Variants in KMT2C observed in about 807,000 individuals in gnomAD.
The protein encoded by KMT2C is histone-lysine N-methyltransferase 2C.
A neutral mutation model predicts 507.9 loss-of-function variants in KMT2C; 88 were observed. That is an observed-to-expected ratio of 0.17 (90% CI 0.15 to 0.21). KMT2C has a LOEUF of 0.21. KMT2C is among the 10% of genes least tolerant of loss of function. The pLI, the probability that KMT2C is intolerant of heterozygous loss-of-function variation, is 1.00. For synonymous variants in KMT2C, 2,049 were observed against 2,080.8 expected (o/e 0.98, Z 0.42); for missense variants, 4,954 against 5,957.8 (o/e 0.83, Z 5.55).
rs530899122 is a variant in KMT2C at position 152,239,067 on chromosome 7, A to G, written c.2533-241T>C. The G allele has an allele frequency of 4.0e-5, 14 of 351,498 alleles. No homozygotes were observed. The South Asian group carries it at 5.0e-4, about 13-fold the overall frequency. The allele number at this position is 351,498 out of a possible 1,614,324, so 21.8% of individuals were successfully genotyped here. Reference sequence around the variant, plus strand: ...ATTTTATTCTGCCTGAGACATCACTACAATGAAACATTAAAAATTAAGGTT... The same window carrying G: ...ATTTTATTCTGCCTGAGACATCACTGCAATGAAACATTAAAAATTAAGGTT... On this transcript the variant is annotated intron_variant, in intron 14 of 58. Coordinates refer to ENST00000262189, the MANE Select transcript of KMT2C (RefSeq NM_170606.3).
At chr7:152,201,128 C>A (rs897752995) in intron 26 of KMT2C, among the ~76,000 whole-genome samples, 1 of 152,066 alleles carries the variant, frequency 6.6e-6, no homozygotes, top group Non-Finnish European at 1.5e-5. Flanking sequence ...TCTAATGACT[C>A]ATGACTTTAC....
At chr7:152,389,656 GTCTTAAAC>G (rs1245159151) in intron 1 of KMT2C, among the ~76,000 whole-genome samples, 1 of 151,830 alleles carries the variant, frequency 6.6e-6, no homozygotes, top group Admixed American at 6.6e-5. Context: ...ACTCAGGCTG[GTCTTAAAC>G]TCTTAAGCTC....
At chr7:152,356,794 G>A (rs1322659402) in intron 2 of KMT2C, among the ~76,000 whole-genome samples, 5 of 150,996 alleles carry the variant, frequency 3.3e-5, no homozygotes, top group Non-Finnish European at 5.9e-5. Context: ...GGGAGACTGA[G>A]GCAGGAGAAT....
At chr7:152,172,156 C>T (rs2079545860) in intron 39 of KMT2C, among the ~76,000 whole-genome samples, 1 of 152,182 alleles carries the variant, frequency 6.6e-6, no homozygotes, top group African/African-American at 2.4e-5. Flanking sequence ...ATTGATCTGT[C>T]ACCCTACCCA....
At chr7:152,377,078 C>CT (rs1431159602) in intron 1 of KMT2C, among the ~76,000 whole-genome samples, 1 of 152,312 alleles carries the variant, frequency 6.6e-6, no homozygotes, top group Admixed American at 6.5e-5. Context: ...GCTAATGCAG[C>CT]TGGTAACTTG....
At position 152,176,360 on chromosome 7, in the gene KMT2C, T is replaced by C. The variant is rs752617853; in HGVS notation, c.9093A>G (p.Leu3031=). The C allele has an allele frequency of 6.2e-7, 1 of 1,614,148 alleles. No individual in the cohort carries two copies. The highest frequency in any genetic ancestry group is 8.5e-7 in the Non-Finnish European group (1 of 1,180,020). The part of the protein sequence containing the change: ...GTSSMSGPQQ[L]MIPQTLAQQN... ...GCTGTGCTAATGTTTGAGGAATCAT[T>C]AGCTGTTGGGGTCCAGACATGCTAC... The change falls in exon 38 of 59, where the codon CTA becomes CTG. Residue 3031 remains leucine, a synonymous_variant. Coordinates refer to ENST00000262189, the MANE Select transcript of KMT2C (RefSeq NM_170606.3).
At chr7:152,332,487 T>A (rs576901818) in intron 2 of KMT2C, among the ~76,000 whole-genome samples, 1 of 152,338 alleles carries the variant, frequency 6.6e-6, no homozygotes, top group Admixed American at 6.5e-5. Flanking sequence ...TGAGATGGCA[T>A]GACTGAACTC....
chr7:152,288,530 C>CAATA (rs1170819337), intron 6 of KMT2C, among the ~76,000 whole-genome samples: 40 of 151,098 alleles, frequency 2.6e-4, no homozygotes, highest in East Asian at 1.2e-3. Flanking sequence ...AAAACTCTGA[C>CAATA]AATAAATAAA....
chr7:152,246,707 A>C (rs112291612), intron 14 of KMT2C, among the ~76,000 whole-genome samples: 6 of 152,120 alleles, frequency 3.9e-5, no homozygotes, highest in Non-Finnish European at 8.8e-5. Flanking sequence ...AAAACTTACT[A>C]GAAAGGAGCA....
chr7:152,308,794 C>A (rs1226209991), intron 6 of KMT2C, among the ~76,000 whole-genome samples: 1 of 151,500 alleles, frequency 6.6e-6, no homozygotes, highest in Non-Finnish European at 1.5e-5. Context: ...GAGTTTGAGA[C>A]CAGCCTGGGC....
chr7:152,247,372 C>T (rs190746120), intron 14 of KMT2C, among the ~76,000 whole-genome samples: 223 of 152,098 alleles, frequency 1.5e-3, no homozygotes, highest in Admixed American at 3.8e-3. Flanking sequence ...CATGAAACTA[C>T]TGAAATAAGT....
chr7:152,206,324 A>C (rs2094308568), intron 24 of KMT2C, among the ~76,000 whole-genome samples: 1 of 152,176 alleles, frequency 6.6e-6, no homozygotes, highest in Non-Finnish European at 1.5e-5. Flanking sequence ...TTCCTGGAAG[A>C]AATCTGCAAT....
intron 26 of KMT2C, 41 bp from the exon 27 acceptor site, chr7:152,199,500 C>A: frequency 2.4e-6 from 3 of 1,261,156 alleles, no homozygotes; most frequent in South Asian, 3.2e-5. Context: ...TTAGAAAATT[C>A]TAAAAAGACA....
In KMT2C at chr7:152,139,690, C is replaced by T. The variant is rs2090303424; in HGVS notation, c.14445G>A (p.Lys4815=). 6.2e-7 allele frequency: 1 copy of T among 1,612,174 alleles called. No homozygotes were observed. Among genetic ancestry groups the T allele is most frequent in the Non-Finnish European group, 8.5e-7 (1 of 1,178,354 alleles). ...IRNEVANRKE[K]LYESQNRGVY... is the part of the protein sequence containing the mutation. ...AGACACCTACCTGAGACTCATAAAGCTTCTCTTTCCTGTTGGCTACTTCGT... is the reference window on the plus strand; with the variant it reads ...AGACACCTACCTGAGACTCATAAAGTTTCTCTTTCCTGTTGGCTACTTCGT... Residue 4815 remains lysine, a synonymous_variant, in exon 56 of 59, where the codon AAG becomes AAA. Coordinates refer to ENST00000262189, the MANE Select transcript of KMT2C (RefSeq NM_170606.3).
chr7:152,174,787 C>T (rs2093122405), intron 38 of KMT2C, among the ~76,000 whole-genome samples: 1 of 152,162 alleles, frequency 6.6e-6, no homozygotes, highest in Non-Finnish European at 1.5e-5. Context: ...TGCTTAGACA[C>T]GTGCCCTTTG....
chr7:152,344,055 G>A (rs986862469), intron 2 of KMT2C, among the ~76,000 whole-genome samples: 2 of 152,128 alleles, frequency 1.3e-5, no homozygotes, highest in African/African-American at 4.8e-5. Context: ...AATAATATCT[G>A]CAACAATGTA....
intron 1 of KMT2C, among the ~76,000 whole-genome samples, chr7:152,371,109 C>T (rs1332143887): frequency 6.6e-6 from 1 of 152,042 alleles, no homozygotes; most frequent in East Asian, 1.9e-4. Context: ...CAGAATACTC[C>T]AATACTGTAA....
intron 1 of KMT2C, among the ~76,000 whole-genome samples, chr7:152,409,489 A>T (rs1389143196): frequency 6.6e-6 from 1 of 151,524 alleles, no homozygotes; most frequent in Non-Finnish European, 1.5e-5. Context: ...AGGCCGAGGC[A>T]GGTGCATCAG....
intron 4 of KMT2C, among the ~76,000 whole-genome samples, chr7:152,313,019 C>T (rs1472567944): frequency 1.3e-5 from 2 of 152,080 alleles, no homozygotes; most frequent in East Asian, 1.9e-4. Flanking sequence ...TCAATAAGTA[C>T]ATTTAAATAT....
Sources: gnomAD v4.1 joint callset for allele counts (sites outside exome capture counted in the v4.1 genomes callset) on GRCh38, gnomAD v4.1.1 for gene constraint, MANE v1.5 for transcripts, NCBI Gene and HGNC (gene_info 2026-07-23, HGNC 2026-07-21) for gene names.